LIMD2: variants seen among roughly 807,000 people sequenced by gnomAD.
LIMD2 encodes the protein LIM domain-containing protein 2.
A neutral mutation model predicts 16.0 loss-of-function variants in LIMD2; 11 were observed. That is an observed-to-expected ratio of 0.69 (90% CI 0.43 to 1.14). The LOEUF (loss-of-function observed/expected upper bound fraction) is 1.14, where lower values mean the gene tolerates loss of function less well. Among genes scored for constraint, LIMD2 ranks in the 50% most tolerant of loss-of-function variants. The pLI, the probability that LIMD2 is intolerant of heterozygous loss-of-function variation, is 0.00. For synonymous variants in LIMD2, 60 were observed against 67.1 expected (o/e 0.89, Z 0.52); for missense variants, 168 against 165.8 (o/e 1.01, Z -0.07).
chr17:63,698,376 CGGGAGAA>C lies in LIMD2; in HGVS notation c.*169_*175del, dbSNP rs2035724711. The C allele has an allele frequency of 1.3e-6, 1 of 747,080 alleles. No homozygotes were observed. The highest frequency in any genetic ancestry group is 2.1e-6 in the Non-Finnish European group (1 of 471,984). 46.3% of individuals were successfully genotyped at this position (747,080 alleles called of 1,614,324 possible). On this transcript the variant is annotated 3_prime_UTR_variant, in exon 5 of 5. Coordinates refer to ENST00000259006, the MANE Select transcript of LIMD2 (RefSeq NM_030576.4). ...CTGGTTTCCAAACCCTCACCGGCTG[CGGGAGAA>C]GGAAGAAGGAAGGAGTCCTGGAGCA...
Position 63,698,569 on chromosome 17 carries a change from C to G in LIMD2, c.367G>C (p.Gly123Arg). Reference protein sequence around the residue: ...ELWAHKEVDPGTKTA With the variant: ...ELWAHKEVDPRTKTA ...CAGAGGCCTCAGGCCGTCTTGGTGC[C>G]GGGGTCCACCTCCTTGTGGGCCCAG... Residue 123 changes from glycine to arginine, a missense_variant, in exon 5 of 5, where the codon GGC (glycine) becomes CGC (arginine). Coordinates refer to ENST00000259006, the MANE Select transcript of LIMD2 (RefSeq NM_030576.4). 1 of 1,613,732 alleles carries G rather than the reference C, an allele frequency of 6.2e-7. No homozygotes were observed.
Position 63,698,718 on chromosome 17 carries a change from A to C in LIMD2, c.225-7T>G. The C allele has an allele frequency of 1.2e-6, 2 of 1,613,396 alleles. No homozygotes were observed. The highest frequency in any genetic ancestry group is 1.7e-6 in the Non-Finnish European group (2 of 1,179,944). ...CGCGGCGTAGCTGCCCAGGCTGCAG[A>C]AGCCAAACAACGGCGTCAGGTCAGG... is the stretch of plus-strand genomic sequence containing the variant. On this transcript the variant is annotated splice_polypyrimidine_tract_variant and splice_region_variant and intron_variant, in intron 4 of 4. Coordinates refer to ENST00000259006, the MANE Select transcript of LIMD2 (RefSeq NM_030576.4).
At chr17:63,699,233 C>T in intron 2 of LIMD2, 24 bp downstream of exon 2, 2 of 1,610,850 alleles carry the variant, frequency 1.2e-6, no homozygotes, top group Non-Finnish European at 1.7e-6. Flanking sequence ...TCCGGGGGGC[C>T]CTCCCACCCA....
In LIMD2 at chr17:63,697,134, C is replaced by T. The variant is rs976253490; in HGVS notation, c.*1418G>A. ...GCGCCCTCAGGTCCTCCCAACTTGC[C>T]TGGTTTGCTCTGCTGTGAACTCATC... On this transcript the variant is annotated 3_prime_UTR_variant, in exon 5 of 5. Coordinates refer to ENST00000259006, the MANE Select transcript of LIMD2 (RefSeq NM_030576.4). 6.6e-6 allele frequency: 1 copy of T among 152,264 alleles called. No individual in the cohort carries two copies. The highest frequency in any genetic ancestry group is 6.5e-5 in the Admixed American group (1 of 15,284). 9.4% of individuals were successfully genotyped at this position (152,264 alleles called of 1,614,324 possible).
chr17:63,700,053 G>T lies in LIMD2; in HGVS notation c.-72C>A. ...TCACCAGGCCCGGCCTGGGCCGCGGGGCGGGATCGGTCTCCGGGGGCGCAC... is the reference window on the plus strand; with the variant it reads ...TCACCAGGCCCGGCCTGGGCCGCGGTGCGGGATCGGTCTCCGGGGGCGCAC... On this transcript the variant is annotated 5_prime_UTR_variant, in exon 1 of 5. Coordinates refer to ENST00000259006, the MANE Select transcript of LIMD2 (RefSeq NM_030576.4). The surrounding 1 kb of genome is among the most constrained non-coding windows in gnomAD (Gnocchi z 7.1). The T allele has an allele frequency of 1.0e-6, 1 of 984,094 alleles. No homozygotes were observed. 61.0% of individuals were successfully genotyped at this position (984,094 alleles called of 1,614,324 possible).
intron 1 of LIMD2, chr17:63,699,559 A>T (rs1422627324): frequency 6.2e-6 from 3 of 482,314 alleles, no homozygotes; most frequent in Non-Finnish European, 1.1e-5. Flanking sequence ...CGTCCCTCGG[A>T]AGAACAAAGT....
intron 1 of LIMD2, chr17:63,699,662 C>T (rs1598136172): frequency 7.2e-6 from 2 of 278,452 alleles, no homozygotes; most frequent in African/African-American, 2.3e-5. Context: ...TCGGGGCCGG[C>T]GGGGCCGCGA....
At chr17:63,699,149 G>A in intron 2 of LIMD2, 80 bp from the exon 3 acceptor site, 1 of 1,580,344 alleles carries the variant, frequency 6.3e-7, no homozygotes, top group Non-Finnish European at 8.6e-7. Context: ...CCAAGGCCCA[G>A]GGGCGCGCCG....
At position 63,698,892 on chromosome 17, in the gene LIMD2, T is replaced by C. The variant is rs1346185053; in HGVS notation, c.131A>G (p.Gln44Arg). Residue 44 changes from glutamine to arginine, a missense_variant, in exon 4 of 5, where the codon CAG becomes CGG. Transcript: ENST00000259006. The stretch of plus-strand genomic sequence containing the variant: ...CCGCTCCATGGGGTACACGGTCTTC[T>C]GGCAGGCGGCGCAGGTCTCCTTCAC... ...AQVKETCAAC[Q>R]KTVYPMERLV... The C allele has an allele frequency of 1.2e-6, 2 of 1,612,802 alleles. No homozygotes were observed. Among genetic ancestry groups the C allele is most frequent in the Non-Finnish European group, 1.7e-6 (2 of 1,179,920 alleles).
chr17:63,698,762 G>T lies in LIMD2; in HGVS notation c.224+37C>A, dbSNP rs374584817. On this transcript the variant is annotated intron_variant, in intron 4 of 4. Coordinates refer to ENST00000259006, the MANE Select transcript of LIMD2 (RefSeq NM_030576.4). The stretch of plus-strand genomic sequence containing the variant: ...GGTCAGGTCAGGTCGGGGCTGGGTT[G>T]GCAGGCGAGGCGGGGGCGGGCAGGG... 8.7e-6 allele frequency: 14 copies of T among 1,612,626 alleles called. No individual in the cohort carries two copies. The African/African-American group carries it at 1.9e-4, about 22-fold the overall frequency.
At chr17:63,701,143 C>T (rs892851521), upstream of LIMD2, 2 of 152,334 alleles carry the variant, frequency 1.3e-5, no homozygotes, top group Non-Finnish European at 2.9e-5. Flanking sequence ...CCTTCCCGGG[C>T]ACCAGGGACT....
In LIMD2 at chr17:63,696,308, A is replaced by G. The variant is rs575648684; in HGVS notation, c.*2244T>C. On this transcript the variant is annotated 3_prime_UTR_variant, in exon 5 of 5. Transcript: ENST00000259006. ...TACAATAAAAGGGATCATTTATATC[A>G]GAGGGGTCCTGTGGCAGTGCTTTCA... 9.2e-5 allele frequency: 14 copies of G among 152,750 alleles called. 1 individual carries two copies. Among genetic ancestry groups the G allele is most frequent in the African/African-American group, 3.4e-4 (14 of 41,532 alleles). 9.5% of individuals were successfully genotyped at this position (152,750 alleles called of 1,614,324 possible).
intron 1 of LIMD2, chr17:63,699,602 C>G: frequency 2.8e-6 from 1 of 357,518 alleles, no homozygotes; most frequent in Non-Finnish European, 4.9e-6. Context: ...GGCTCCCGCG[C>G]AGCCGCCGTG....
chr17:63,699,199 C>T (rs970935817), intron 2 of LIMD2, 58 bp downstream of exon 2: 9 of 1,602,144 alleles, frequency 5.6e-6, no homozygotes, highest in Non-Finnish European at 7.7e-6. Context: ...ATGCCTCTCC[C>T]CTTCACCCCA....
In LIMD2 at chr17:63,699,417, C is replaced by A; in HGVS notation, c.-50-69G>T. ...CAGCCTGCAGGGTGGGGGGTGTTGA[C>A]AGGCAGGGGCTGGGGGGATTGCGGT... is the stretch of plus-strand genomic sequence containing the variant. On this transcript the variant is annotated intron_variant, in intron 1 of 4. Transcript: ENST00000259006. 9 of 1,430,610 alleles carry A rather than the reference C, an allele frequency of 6.3e-6. No individual in the cohort carries two copies. In the South Asian group the frequency reaches 1.1e-4, roughly 18 times the overall value. The allele number at this position is 1,430,610 out of a possible 1,614,324, so 88.6% of individuals were successfully genotyped here.
Position 63,698,483 on chromosome 17 carries a change from G to T in LIMD2, c.*69C>A. 5 of 1,549,844 alleles carry T rather than the reference G, an allele frequency of 3.2e-6. No homozygotes were observed. The South Asian group carries it at 3.5e-5, about 11-fold the overall frequency. ...CCTGGCCCCCACGCAAGCCCAGCTC[G>T]ACCTCCTTCCCACCTTCCCCCTGCC... On this transcript the variant is annotated 3_prime_UTR_variant, in exon 5 of 5. Transcript: ENST00000259006.
chr17:63,699,334 G>C lies in LIMD2; in HGVS notation c.-36C>G. ...AGGTGGAAGCCTCGGGTGGAGAAGC[G>C]GCACCCGCTGGGTTCTGCAAGGGGA... On this transcript the variant is annotated 5_prime_UTR_variant, in exon 2 of 5. Transcript: ENST00000259006. 1.3e-6 allele frequency: 2 copies of C among 1,587,166 alleles called. No individual in the cohort carries two copies. Among genetic ancestry groups the C allele is most frequent in the Non-Finnish European group, 1.7e-6 (2 of 1,166,694 alleles).
intron 1 of LIMD2, 97 bp downstream of exon 1, chr17:63,699,935 G>C: frequency 2.0e-6 from 2 of 983,658 alleles, no homozygotes; most frequent in Non-Finnish European, 2.4e-6. Flanking sequence ...GCGGCTCGCA[G>C]ACTCGCCGGG....
At chr17:63,699,942 C>T in intron 1 of LIMD2, 90 bp downstream of exon 1, 1 of 983,680 alleles carries the variant, frequency 1.0e-6, no homozygotes, top group Non-Finnish European at 1.2e-6. Context: ...GCAGACTCGC[C>T]GGGACCCCAC....
Sources: gnomAD v4.1 joint callset for allele counts on GRCh38, gnomAD v4.1.1 for gene constraint, Gnocchi (gnomAD v3.1) non-coding constraint, MANE v1.5 for transcripts, NCBI Gene and HGNC (gene_info 2026-07-23, HGNC 2026-07-21) for gene names.